DOCK3: variants seen among roughly 807,000 people sequenced by gnomAD.
The protein encoded by DOCK3 is dedicator of cytokinesis 3.
A neutral mutation model predicts 265.6 loss-of-function variants in DOCK3; 60 were observed. That is an observed-to-expected ratio of 0.23 (90% CI 0.18 to 0.28). DOCK3 has a LOEUF of 0.28. Ranked by LOEUF, DOCK3 falls within the 10% of genes least tolerant of loss-of-function variation. DOCK3 has a pLI of 1.00. For missense variants in DOCK3, 1,981 were observed against 2,594.3 expected (o/e 0.76, Z 5.14); for synonymous variants, 881 against 938.0 (o/e 0.94, Z 1.11).
At position 51,277,637 on chromosome 3, in the gene DOCK3, G is replaced by C. The variant is rs749792330; in HGVS notation, c.2706G>C (p.Met902Ile). The C allele has an allele frequency of 2.5e-6, 4 of 1,573,674 alleles. No homozygotes were observed. Among genetic ancestry groups the C allele is most frequent in the Non-Finnish European group, 3.5e-6 (4 of 1,159,220 alleles). ...CAGATGTCATGGAGGAAGTAGAGATGATGGTGGAGAGCCTCCTGGACGTGC... is the reference window on the plus strand; with the variant it reads ...CAGATGTCATGGAGGAAGTAGAGATCATGGTGGAGAGCCTCCTGGACGTGC... ...LEADVMEEVEMMVESLLDVLL... is the reference protein window; with the variant it reads ...LEADVMEEVEIMVESLLDVLL... The change falls in exon 26 of 53, where the codon ATG becomes ATC. Residue 902 changes from methionine (M) to isoleucine (I), a missense_variant. Coordinates refer to ENST00000266037, the MANE Select transcript of DOCK3 (RefSeq NM_004947.5).
At chr3:50,726,783 G>A (rs766608996) in intron 1 of DOCK3, among the ~76,000 whole-genome samples, 3 of 152,062 alleles carry the variant, frequency 2.0e-5, no homozygotes, top group Non-Finnish European at 4.4e-5. Flanking sequence ...CAAACTCTGG[G>A]GAGGGAGAAT....
At position 51,384,099 on chromosome 3, in the gene DOCK3, T is replaced by C. The variant is rs1553620056; in HGVS notation, c.*2540T>C. 6.6e-6 allele frequency: 1 copy of C among 152,670 alleles called. No homozygotes were observed. Among genetic ancestry groups the C allele is most frequent in the Non-Finnish European group, 1.5e-5 (1 of 68,040 alleles). The allele number at this position is 152,670 out of a possible 1,614,324, so 9.5% of individuals were successfully genotyped here. A position where few individuals can be genotyped will look rare whatever the true frequency, so the allele number is the denominator to read the frequency against. ...CATGTTCAAAATCCAACAAGTAATGTGAATTTTAGATGTAAATATCTGCCA... is the reference window on the plus strand; with the variant it reads ...CATGTTCAAAATCCAACAAGTAATGCGAATTTTAGATGTAAATATCTGCCA... On this transcript the variant is annotated 3_prime_UTR_variant, in exon 53 of 53. Transcript: ENST00000266037.
intron 9 of DOCK3, among the ~76,000 whole-genome samples, chr3:51,119,694 G>A (rs1397266150): frequency 1.3e-5 from 2 of 151,658 alleles, no homozygotes; most frequent in South Asian, 2.1e-4. Context: ...TTGTCTTCAC[G>A]ACTTATTTCA....
At chr3:50,869,324 T>C in intron 3 of DOCK3, among the ~76,000 whole-genome samples, 1 of 148,746 alleles carries the variant, frequency 6.7e-6, no homozygotes. Context: ...ATTTCAATTT[T>C]ATTTATTTCT....
chr3:51,321,360 G>A (rs892089502), intron 32 of DOCK3, among the ~76,000 whole-genome samples: 4 of 152,256 alleles, frequency 2.6e-5, no homozygotes, highest in Admixed American at 1.3e-4. Context: ...ATAAATCCAC[G>A]AAGATGGAGA....
chr3:50,833,711 G>T (rs978220339), intron 2 of DOCK3, among the ~76,000 whole-genome samples: 3 of 152,130 alleles, frequency 2.0e-5, no homozygotes, highest in African/African-American at 7.2e-5. Flanking sequence ...TGCTCTACAC[G>T]TCAAGTTTGA....
At chr3:50,679,014 C>T (rs1325481401) in intron 1 of DOCK3, among the ~76,000 whole-genome samples, 1 of 152,168 alleles carries the variant, frequency 6.6e-6, no homozygotes, top group African/African-American at 2.4e-5. Context: ...GAGGTTTCAC[C>T]ATGTTAGCCA....
At chr3:50,953,594 A>T (rs2076650820) in intron 5 of DOCK3, among the ~76,000 whole-genome samples, 1 of 152,182 alleles carries the variant, frequency 6.6e-6, no homozygotes, top group South Asian at 2.1e-4. Context: ...GTATTTCCTT[A>T]GGAAATACAA....
intron 3 of DOCK3, among the ~76,000 whole-genome samples, chr3:50,876,370 T>C (rs1011436598): frequency 1.4e-4 from 22 of 152,244 alleles, no homozygotes; most frequent in Admixed American, 5.2e-4. Flanking sequence ...AAGAAAAATA[T>C]ATGAACTAAC....
intron 3 of DOCK3, among the ~76,000 whole-genome samples, chr3:50,853,901 C>A (rs1397768565): frequency 1.3e-5 from 2 of 149,688 alleles, no homozygotes; most frequent in African/African-American, 4.9e-5. Flanking sequence ...TTGCTTTCCA[C>A]AGGGGCTGAA....
chr3:50,908,053 G>A lies in DOCK3; in HGVS notation c.218+17972G>A, dbSNP rs574195948. On this transcript the variant is annotated intron_variant, in intron 4 of 52. Coordinates refer to ENST00000266037, the MANE Select transcript of DOCK3 (RefSeq NM_004947.5). ...CTATTGGTGGTTAGTATTTCTGTGC[G>A]ATCAGCAGTGATATCCCTGTTATCA... is the stretch of plus-strand genomic sequence containing the variant. Among the ~76,000 whole-genome samples the A allele has an allele frequency of 1.1e-4, 17 of 152,056 alleles. No homozygotes were observed. The East Asian group carries it at 2.1e-3, about 19-fold the overall frequency.
At chr3:51,226,032 C>A (rs1290958884) in intron 15 of DOCK3, among the ~76,000 whole-genome samples, 1 of 152,188 alleles carries the variant, frequency 6.6e-6, no homozygotes, top group Admixed American at 6.5e-5. Flanking sequence ...CCCTCTAGTT[C>A]TATCCTACAT....
intron 1 of DOCK3, among the ~76,000 whole-genome samples, chr3:50,742,401 C>T (rs1237645821): frequency 6.6e-6 from 1 of 152,070 alleles, no homozygotes; most frequent in East Asian, 1.9e-4. Flanking sequence ...CTACTCCGAG[C>T]TACAGGAGGA....
At chr3:50,894,991 T>C (rs1307210546) in intron 4 of DOCK3, among the ~76,000 whole-genome samples, 1 of 152,128 alleles carries the variant, frequency 6.6e-6, no homozygotes, top group East Asian at 1.9e-4. Context: ...GACTGCTAAG[T>C]GATTTACTTT....
At chr3:51,128,192 T>C (rs957016347) in intron 9 of DOCK3, among the ~76,000 whole-genome samples, 7 of 152,172 alleles carry the variant, frequency 4.6e-5, no homozygotes, top group Non-Finnish European at 1.0e-4. Flanking sequence ...GCAAAAATTT[T>C]GCTAGTGGGT....
At chr3:50,709,183 A>C (rs571166391) in intron 1 of DOCK3, among the ~76,000 whole-genome samples, 18 of 152,274 alleles carry the variant, frequency 1.2e-4, no homozygotes, top group Non-Finnish European at 2.1e-4. Flanking sequence ...TCTTCACTTT[A>C]TTGTTGGATT....
intron 5 of DOCK3, among the ~76,000 whole-genome samples, chr3:50,993,640 T>C (rs988663452): frequency 1.8e-4 from 27 of 152,318 alleles, no homozygotes; most frequent in African/African-American, 5.8e-4. Context: ...TTCTCTATAG[T>C]TTTACTAAAT....
At chr3:50,878,804 G>A (rs1012074650) in intron 3 of DOCK3, among the ~76,000 whole-genome samples, 1 of 152,114 alleles carries the variant, frequency 6.6e-6, no homozygotes, top group Admixed American at 6.6e-5. Context: ...CTCGAGAAGA[G>A]CAACTCCATG....
chr3:51,249,998 C>G (rs1385941468), intron 22 of DOCK3, among the ~76,000 whole-genome samples: 3 of 151,848 alleles, frequency 2.0e-5, no homozygotes, highest in Admixed American at 6.6e-5. Context: ...CTCTCTGAAA[C>G]GTGCTGTGTC....
Sources: allele counts gnomAD v4.1 joint callset (sites outside exome capture counted in the v4.1 genomes callset), GRCh38; gene constraint gnomAD v4.1.1; transcripts MANE v1.5; gene names NCBI Gene and HGNC (gene_info 2026-07-23, HGNC 2026-07-21).